Variants in SYTL5 observed in about 807,000 individuals in gnomAD.
SYTL5 encodes the protein synaptotagmin like 5, also known as synaptotagmin-like protein 5.
In SYTL5, 34 loss-of-function variants were observed where a neutral mutation model predicts 55.9. The observed-to-expected ratio is 0.61, with a 90% confidence interval of 0.46 to 0.81. The LOEUF (loss-of-function observed/expected upper bound fraction) is 0.81, where lower values mean the gene tolerates loss of function less well. SYTL5 is among the 30% of genes least tolerant of loss of function. SYTL5 has a pLI of 0.00. For missense variants in SYTL5, 637 were observed against 546.7 expected, an observed-to-expected ratio of 1.17 and a Z score of -1.65; for synonymous variants, 221 against 188.7, an observed-to-expected ratio of 1.17 and a Z score of -1.40.
At chrX:37,922,671 T>A in the SYTL5 span, among the ~76,000 whole-genome samples, 3 of 111,566 alleles carry the variant, frequency 2.7e-5, no homozygotes, top group African/African-American at 9.8e-5. Flanking sequence ...AGTTCTTCAG[T>A]CCTTAGAGAT....
At chrX:38,125,554 T>TG (rs1937626540) in intron 16 of SYTL5, 48 bp downstream of exon 16, 2 of 1,035,703 alleles carry the variant, frequency 1.9e-6, no homozygotes, top group Non-Finnish European at 2.7e-6. Context: ...TAGGCCCAGG[T>TG]GGGGGCGCTA....
chrX:38,126,998 A>G lies in SYTL5; in HGVS notation c.*268A>G, dbSNP rs1339519185. 7.3e-6 allele frequency: 2 copies of G among 275,808 alleles called. No homozygotes were observed. The highest frequency in any genetic ancestry group is 1.1e-4 in the East Asian group (2 of 17,849). The allele number at this position is 275,808 out of a possible 1,213,427, so 22.7% of individuals were successfully genotyped here. A position where few individuals can be genotyped will look rare whatever the true frequency, so the allele number is the denominator to read the frequency against. On this transcript the variant is annotated 3_prime_UTR_variant, in exon 17 of 17. Coordinates refer to ENST00000297875, the MANE Select transcript of SYTL5 (RefSeq NM_138780.3). ...CAACAAGCAAATTGTGCAAAGGCTT[A>G]TAGGGTTTATGCCATAAAAGAAATG... is the stretch of plus-strand genomic sequence containing the variant.
At chrX:38,040,421 T>G (rs1392362546) in intron 2 of SYTL5, among the ~76,000 whole-genome samples, 2 of 110,571 alleles carry the variant, frequency 1.8e-5, no homozygotes, top group African/African-American at 6.6e-5. Flanking sequence ...GTAGGTCTTA[T>G]TCATACTTTC....
At chrX:38,017,853 A>G (rs1334941498) in intron 1 of SYTL5, among the ~76,000 whole-genome samples, 3 of 109,619 alleles carry the variant, frequency 2.7e-5, no homozygotes, top group Non-Finnish European at 5.7e-5. Context: ...TCTATAACTA[A>G]GATCTGACTC....
At chrX:37,902,220 T>C in the SYTL5 span, among the ~76,000 whole-genome samples, 1 of 112,313 alleles carries the variant, frequency 8.9e-6, no homozygotes, top group African/African-American at 3.2e-5. Context: ...CCTTGCATGA[T>C]TCTTGCCTCA....
intron 1 of SYTL5, among the ~76,000 whole-genome samples, chrX:38,031,854 C>A (rs1293011445): frequency 1.8e-5 from 2 of 112,196 alleles, no homozygotes; most frequent in East Asian, 2.8e-4. Flanking sequence ...CACTCTGGGC[C>A]TTGTTGCCTC....
At chrX:37,948,877 G>C in the SYTL5 span, among the ~76,000 whole-genome samples, 1 of 111,681 alleles carries the variant, frequency 9.0e-6, no homozygotes, top group Non-Finnish European at 1.9e-5. Context: ...TAATGCTGCA[G>C]TGAACATAGG....
chrX:37,935,052 A>G, the SYTL5 span, among the ~76,000 whole-genome samples: 1 of 112,495 alleles, frequency 8.9e-6, no homozygotes, highest in East Asian at 2.8e-4. Context: ...CTACATTTAG[A>G]CAAACAATAA....
At chrX:38,085,494 T>A (rs1451484597) in intron 6 of SYTL5, among the ~76,000 whole-genome samples, 2 of 112,335 alleles carry the variant, frequency 1.8e-5, no homozygotes, top group East Asian at 5.6e-4. Flanking sequence ...CTCTTTCCCA[T>A]TTAGCAGGCT....
At chrX:37,978,019 A>T in the SYTL5 span, among the ~76,000 whole-genome samples, 1 of 111,758 alleles carries the variant, frequency 8.9e-6, no homozygotes, top group Non-Finnish European at 1.9e-5. Flanking sequence ...AAACATTTAA[A>T]AAATGGAGTC....
intron 13 of SYTL5, among the ~76,000 whole-genome samples, chrX:38,118,971 A>G (rs1237904088): frequency 5.8e-5 from 6 of 102,793 alleles, no homozygotes; most frequent in South Asian, 4.5e-4. Flanking sequence ...ATATATATAT[A>G]TGTACGCATA....
chrX:38,016,179 C>T (rs747958689), intron 1 of SYTL5, among the ~76,000 whole-genome samples: 7 of 111,921 alleles, frequency 6.3e-5, no homozygotes, highest in African/African-American at 1.6e-4. Context: ...TTAATGTCAT[C>T]GGTAAAATAT....
At chrX:38,009,809 C>T (rs1157072919) in intron 1 of SYTL5, among the ~76,000 whole-genome samples, 1 of 111,827 alleles carries the variant, frequency 8.9e-6, no homozygotes, top group Non-Finnish European at 1.9e-5. Flanking sequence ...ATTCACTGCC[C>T]CCTGTGCACT....
rs777919811 is a variant in SYTL5, at chrX:38,038,365, C to G, written c.119+4357C>G. On this transcript the variant is annotated intron_variant, in intron 2 of 16. Transcript: ENST00000297875. ...ACTCTCCTCTCTCCTTGCATCTCAC[C>G]ACTTATGGCTATTCCTTACTCTTTT... Among the ~76,000 whole-genome samples the G allele has an allele frequency of 4.5e-5, 5 of 111,750 alleles. 1 individual carries two copies. The Admixed American group carries it at 4.8e-4, about 11-fold the overall frequency.
At chrX:38,034,818 G>A (rs2147205760) in intron 2 of SYTL5, among the ~76,000 whole-genome samples, 1 of 111,772 alleles carries the variant, frequency 8.9e-6, no homozygotes, top group East Asian at 2.8e-4. Context: ...TGCCTGTACC[G>A]TCTTTGTTTT....
At chrX:38,021,165 A>C (rs1006222404) in intron 1 of SYTL5, among the ~76,000 whole-genome samples, 5 of 111,738 alleles carry the variant, frequency 4.5e-5, no homozygotes. Context: ...GTATATGTAT[A>C]TTTTTGAGGT....
At chrX:37,993,515 A>G in the SYTL5 span, among the ~76,000 whole-genome samples, 3 of 112,505 alleles carry the variant, frequency 2.7e-5, no homozygotes, top group African/African-American at 9.7e-5. Flanking sequence ...GAGTAAAATC[A>G]TAACACTCAA....
chrX:37,907,741 G>T, the SYTL5 span, among the ~76,000 whole-genome samples: 1 of 111,746 alleles, frequency 8.9e-6, no homozygotes, highest in Admixed American at 9.5e-5. Flanking sequence ...ATCCACCTGT[G>T]CATTCTTTCT....
At chrX:38,023,492 C>G (rs1487468400) in intron 1 of SYTL5, among the ~76,000 whole-genome samples, 1 of 111,937 alleles carries the variant, frequency 8.9e-6, no homozygotes, top group African/African-American at 3.2e-5. Flanking sequence ...TATGTATTAT[C>G]CTGTGCCTTT....
Sources: gnomAD v4.1 joint callset for allele counts (sites outside exome capture counted in the v4.1 genomes callset) on GRCh38, gnomAD v4.1.1 for gene constraint, MANE v1.5 for transcripts, NCBI Gene and HGNC (gene_info 2026-07-23, HGNC 2026-07-21) for gene names.